The following LCOR variants were observed in gnomAD, a reference collection of about 807,000 sequenced individuals.
LCOR encodes ligand dependent nuclear receptor corepressor, also known as ligand-dependent corepressor.
Under a neutral mutation model 64.4 loss-of-function variants are expected in LCOR, and 14 were observed. The observed-to-expected ratio is 0.22, with a 90% CI of 0.14 to 0.34. The LOEUF (loss-of-function observed/expected upper bound fraction) is 0.34. Among genes scored for constraint, LCOR ranks in the 10% least tolerant of loss-of-function variants. The probability of loss-of-function intolerance (pLI) is 1.00; values close to 1 mark genes in which losing one functional copy is unlikely to be tolerated. For synonymous variants in LCOR, 643 were observed against 642.5 expected, an observed-to-expected ratio of 1.00 and a Z score of -0.01; for missense variants, 1,686 against 1,765.3, an observed-to-expected ratio of 0.96 and a Z score of 0.80.
chr10:96,984,700 G>A lies in LCOR; in HGVS notation c.4240G>A (p.Gly1414Arg), dbSNP rs148052533. The A allele has an allele frequency of 2.3e-5, 37 of 1,614,020 alleles. No individual in the cohort carries two copies. Among genetic ancestry groups the A allele is most frequent in the Admixed American group, 1.3e-4 (8 of 60,002 alleles). The change falls in exon 8 of 8, where the codon GGG becomes AGG. Residue 1414 changes from glycine to arginine, a missense_variant. By Grantham distance (125) the Gly-to-Arg change is moderately radical (BLOSUM62 -2). Transcript: ENST00000421806. ...CAGCCCTCCAGATAGTAAGAACAAG[G>A]GGCCTACGGTGAAAGCCAGCAAAGA... is the stretch of plus-strand genomic sequence containing the variant. ...GSSPPDSKNK[G>R]PTVKASKEKH... is the part of the protein sequence containing the mutation.
chr10:96,991,184 A>AT lies in LCOR; in HGVS notation c.*6057dup, dbSNP rs1007949946. On this transcript the variant is annotated 3_prime_UTR_variant, in exon 8 of 8. Coordinates refer to ENST00000421806, the MANE Select transcript of LCOR (RefSeq NM_001346516.2). ...ACTTTTTTTTTTCATATGCTCCAAC[A>AT]TTTTTTTCATACAGTCCAGCAATTC... The AT allele has an allele frequency of 5.3e-5, 8 of 151,844 alleles. No individual in the cohort carries two copies. Among genetic ancestry groups the AT allele is most frequent in the African/African-American group, 1.9e-4 (8 of 41,318 alleles). The allele number at this position is 151,844 out of a possible 1,614,324, so 9.4% of individuals were successfully genotyped here. A position where few individuals can be genotyped will look rare whatever the true frequency, so the allele number is the denominator to read the frequency against.
intron 7 of LCOR, among the ~76,000 whole-genome samples, chr10:96,952,671 T>G (rs1281877417): frequency 6.6e-6 from 1 of 152,176 alleles, no homozygotes; most frequent in Non-Finnish European, 1.5e-5. Context: ...TCTGAAAGAC[T>G]GATGGTAGAT....
chr10:96,835,720 T>G (rs1845430656), intron 2 of LCOR, among the ~76,000 whole-genome samples: 1 of 152,242 alleles, frequency 6.6e-6, no homozygotes, highest in South Asian at 2.1e-4. Flanking sequence ...TACAGCAGTT[T>G]GGATTAAAAA....
rs1373318597 is a variant in LCOR, at chr10:96,915,668, G to C, written c.-184+7921G>C. The C allele has an allele frequency of 3.9e-5, 31 of 803,540 alleles. No individual in the cohort carries two copies. The East Asian group carries it at 7.8e-4, about 20-fold the overall frequency. 49.8% of individuals were successfully genotyped at this position (803,540 alleles called of 1,614,324 possible). On this transcript the variant is annotated intron_variant, in intron 4 of 7. Transcript: ENST00000421806. Reference sequence around the variant, plus strand: ...GCAGCACCTTCAGCTTTCTGTGCCTGGTCTGATTTGGCATTTCCCATTTTC... The same window carrying C: ...GCAGCACCTTCAGCTTTCTGTGCCTCGTCTGATTTGGCATTTCCCATTTTC...
intron 7 of LCOR, among the ~76,000 whole-genome samples, chr10:96,973,078 C>A (rs1486501342): frequency 2.0e-5 from 3 of 152,092 alleles, no homozygotes; most frequent in African/African-American, 7.2e-5. Context: ...TAATTTAACC[C>A]CAATTTTGAA....
chr10:96,983,472 TGAG>T lies in LCOR; in HGVS notation c.3013_3015del (p.Glu1005del), dbSNP rs1216934234. On this transcript the variant is annotated inframe_deletion, in exon 8 of 8. Transcript: ENST00000421806. This position sits in a 1 kb window ranked among gnomAD's most constrained non-coding sequence, Gnocchi z 4.5. ...ACGAAAACACCCAGCAGAAAGATGA[TGAG>T]AGTGATGCCCCATGCAGCTCTCTTG... 1 of 1,614,070 alleles carries T rather than the reference TGAG, an allele frequency of 6.2e-7. No homozygotes were observed. Among genetic ancestry groups the T allele is most frequent in the Non-Finnish European group, 8.5e-7 (1 of 1,180,000 alleles).
chr10:96,840,699 G>T (rs766923681), intron 2 of LCOR, among the ~76,000 whole-genome samples: 1 of 152,134 alleles, frequency 6.6e-6, no homozygotes. Flanking sequence ...TGTCTAAAGG[G>T]ACTTTTCTTT....
intron 2 of LCOR, among the ~76,000 whole-genome samples, chr10:96,850,447 G>C (rs565474342): frequency 4.0e-4 from 61 of 152,222 alleles, no homozygotes; most frequent in African/African-American, 1.4e-3. Context: ...TCAACAGGCT[G>C]GTTGCAGAAA....
At chr10:96,888,584 C>T (rs896151284) in intron 2 of LCOR, among the ~76,000 whole-genome samples, 1 of 151,984 alleles carries the variant, frequency 6.6e-6, no homozygotes, top group Non-Finnish European at 1.5e-5. Flanking sequence ...TGAATTAATG[C>T]TTTCCAAATG....
At chr10:96,850,834 C>T (rs901361823) in intron 2 of LCOR, among the ~76,000 whole-genome samples, 1 of 152,180 alleles carries the variant, frequency 6.6e-6, no homozygotes, top group African/African-American at 2.4e-5. Context: ...AGGGTCATCA[C>T]TGATGACAAT....
intron 2 of LCOR, among the ~76,000 whole-genome samples, chr10:96,834,333 A>G (rs1845403302): frequency 6.6e-6 from 1 of 152,220 alleles, no homozygotes; most frequent in Non-Finnish European, 1.5e-5. Flanking sequence ...TCTCATGAAT[A>G]TATTTTAAAA....
At position 96,982,248 on chromosome 10, in the gene LCOR, A is replaced by G. The variant is rs999615600; in HGVS notation, c.1788A>G (p.Thr596=). 1.9e-6 allele frequency: 3 copies of G among 1,614,154 alleles called. No homozygotes were observed. The highest frequency in any genetic ancestry group is 3.3e-5 in the Admixed American group (2 of 60,022). ...CTCAAGAGCCTGAGGTTTGCCCCAC[A>G]AAGATTAAGCCGAACCTGAGCAGCT... ...KEPQEPEVCP[T]KIKPNLSSSP... Residue 596 remains threonine, a synonymous_variant, in exon 8 of 8, where the codon ACA becomes ACG. Transcript: ENST00000421806.
chr10:96,869,655 A>G (rs746547725), intron 2 of LCOR, among the ~76,000 whole-genome samples: 1 of 149,792 alleles, frequency 6.7e-6, no homozygotes, highest in Non-Finnish European at 1.5e-5. Flanking sequence ...GCTCACTTCA[A>G]CCTCAGCCTG....
At chr10:96,954,693 C>T (rs1186597499) in intron 7 of LCOR, among the ~76,000 whole-genome samples, 1 of 152,026 alleles carries the variant, frequency 6.6e-6, no homozygotes, top group Non-Finnish European at 1.5e-5. Flanking sequence ...GTGAACCCAA[C>T]CAGAGACCGG....
intron 2 of LCOR, among the ~76,000 whole-genome samples, chr10:96,856,316 C>A (rs1333137398): frequency 6.6e-6 from 1 of 152,206 alleles, no homozygotes; most frequent in Non-Finnish European, 1.5e-5. Flanking sequence ...CCCACTTGGC[C>A]TCCCAAAGTG....
chr10:96,837,107 T>G (rs1310579165), intron 2 of LCOR, among the ~76,000 whole-genome samples: 1 of 151,932 alleles, frequency 6.6e-6, no homozygotes, highest in African/African-American at 2.4e-5. Flanking sequence ...TTCTCCTGCC[T>G]CAGCCTCCGA....
At position 96,845,671 on chromosome 10, in the gene LCOR, G is replaced by T. The variant is rs867036303; in HGVS notation, c.-330+12192G>T. 2.0e-5 allele frequency among the ~76,000 whole-genome samples: 3 copies of T among 150,934 alleles called. No individual in the cohort carries two copies. The South Asian group carries it at 6.3e-4, about 32-fold the overall frequency. On this transcript the variant is annotated intron_variant, in intron 2 of 7. Transcript: ENST00000421806. The stretch of plus-strand genomic sequence containing the variant: ...TTTAGTAGAGACGGGGTGTCACCGT[G>T]TTAGCCAGGATGATGTCGATCTCCT...
rs151067946 is a variant in LCOR at position 96,880,872 on chromosome 10, C to T, written c.-329-26393C>T. Among the ~76,000 whole-genome samples the T allele has an allele frequency of 7.2e-5, 11 of 152,250 alleles. No individual in the cohort carries two copies. The East Asian group carries it at 1.2e-3, about 16-fold the overall frequency. On this transcript the variant is annotated intron_variant, in intron 2 of 7. Coordinates refer to ENST00000421806, the MANE Select transcript of LCOR (RefSeq NM_001346516.2). ...GTTGATATTTGTTTCTTATATTGAA[C>T]GTAGGTGAACCACTGAACGCAGTTT...
At position 96,988,636 on chromosome 10, in the gene LCOR, T is replaced by A. The variant is rs975959380; in HGVS notation, c.*3502T>A. Reference sequence around the variant, plus strand: ...GGTTCGGTCATGAGGGTGGGAGCTGTCATTCACATTTATGGGCAGCATTCC... The same window carrying A: ...GGTTCGGTCATGAGGGTGGGAGCTGACATTCACATTTATGGGCAGCATTCC... On this transcript the variant is annotated 3_prime_UTR_variant, in exon 8 of 8. Coordinates refer to ENST00000421806, the MANE Select transcript of LCOR (RefSeq NM_001346516.2). 2 of 152,200 alleles carry A rather than the reference T, an allele frequency of 1.3e-5. No individual in the cohort carries two copies. The highest frequency in any genetic ancestry group is 2.9e-5 in the Non-Finnish European group (2 of 68,032). The allele number at this position is 152,200 out of a possible 1,614,324, so 9.4% of individuals were successfully genotyped here. A position where few individuals can be genotyped will look rare whatever the true frequency, so the allele number is the denominator to read the frequency against.
Sources: allele counts gnomAD v4.1 joint callset (sites outside exome capture counted in the v4.1 genomes callset), GRCh38; gene constraint gnomAD v4.1.1; non-coding constraint Gnocchi (gnomAD v3.1); transcripts MANE v1.5; gene names NCBI Gene and HGNC (gene_info 2026-07-23, HGNC 2026-07-21).